MGMT: variants seen among roughly 807,000 people sequenced by gnomAD.
The protein encoded by MGMT is O-6-methylguanine-DNA methyltransferase, also known as methylated-DNA--protein-cysteine methyltransferase.
A neutral mutation model predicts 15.9 loss-of-function variants in MGMT; 14 were observed. That is an observed-to-expected ratio of 0.88 (90% CI 0.58 to 1.37). MGMT has a LOEUF of 1.37. Ranked by LOEUF, MGMT falls within the 40% of genes most tolerant of loss-of-function variation. The pLI is 0.00. For synonymous variants in MGMT, 130 were observed against 118.2 expected (o/e 1.10, Z -0.65); for missense variants, 282 against 268.1 (o/e 1.05, Z -0.36).
intron 2 of MGMT, among the ~76,000 whole-genome samples, chr10:129,587,808 A>T (rs954315910): frequency 2.0e-5 from 3 of 152,096 alleles, no homozygotes; most frequent in Non-Finnish European, 4.4e-5. Context: ...TTGTCTGTTA[A>T]TTCTAACATC....
intron 3 of MGMT, among the ~76,000 whole-genome samples, chr10:129,747,217 T>C (rs545229751): frequency 1.1e-4 from 16 of 152,214 alleles, no homozygotes; most frequent in Non-Finnish European, 1.8e-4. Context: ...CATAGACAAT[T>C]ATGTTGTCTG....
At chr10:129,741,924 G>T (rs533694514) in intron 3 of MGMT, among the ~76,000 whole-genome samples, 2 of 152,224 alleles carry the variant, frequency 1.3e-5, no homozygotes, top group Admixed American at 1.3e-4. Context: ...AGGTCAGGCC[G>T]TGGCTCTGAG....
chr10:129,666,265 C>T (rs925691367), intron 2 of MGMT, among the ~76,000 whole-genome samples: 11 of 152,108 alleles, frequency 7.2e-5, no homozygotes, highest in Admixed American at 2.0e-4. Flanking sequence ...TTTTAGAATG[C>T]ATTTGTCAAC....
intron 2 of MGMT, among the ~76,000 whole-genome samples, chr10:129,590,596 GAAA>G (rs1304132435): frequency 6.6e-6 from 1 of 152,142 alleles, no homozygotes; most frequent in Non-Finnish European, 1.5e-5. Context: ...ATCTAGCCAA[GAAA>G]AAGAACGTAA....
chr10:129,732,263 T>A (rs1479721132), intron 3 of MGMT, among the ~76,000 whole-genome samples: 3 of 152,206 alleles, frequency 2.0e-5, no homozygotes, highest in African/African-American at 7.2e-5. Flanking sequence ...CATCTATTCG[T>A]CATTTATATT....
chr10:129,467,852 GGCA>G (rs1472690632), intron 1 of MGMT, among the ~76,000 whole-genome samples: 1 of 152,162 alleles, frequency 6.6e-6, no homozygotes, highest in African/African-American at 2.4e-5. Flanking sequence ...ACACACACTG[GGCA>G]CCGTAATGTC....
At chr10:129,506,397 T>C (rs1045412011) in intron 1 of MGMT, among the ~76,000 whole-genome samples, 1 of 152,146 alleles carries the variant, frequency 6.6e-6, no homozygotes, top group Non-Finnish European at 1.5e-5. Flanking sequence ...TCTTCTGTTG[T>C]GTCTTTCCCA....
At chr10:129,677,784 C>T (rs966741105) in intron 2 of MGMT, among the ~76,000 whole-genome samples, 1 of 152,258 alleles carries the variant, frequency 6.6e-6, no homozygotes, top group African/African-American at 2.4e-5. Flanking sequence ...CAGCCGGGGG[C>T]GAAGGAACAG....
At chr10:129,683,300 A>G (rs1287924316) in intron 2 of MGMT, among the ~76,000 whole-genome samples, 2 of 152,222 alleles carry the variant, frequency 1.3e-5, no homozygotes, top group Admixed American at 6.5e-5. Flanking sequence ...CCCTAAAGCC[A>G]AAAGGTGATA....
intron 3 of MGMT, among the ~76,000 whole-genome samples, chr10:129,745,096 A>T (rs35716383): frequency 1.6e-4 from 24 of 152,124 alleles, no homozygotes; most frequent in Non-Finnish European, 3.1e-4. Flanking sequence ...TCGTAGAGGG[A>T]AAGATTTTGC....
At chr10:129,678,308 C>G (rs1847808798) in intron 2 of MGMT, among the ~76,000 whole-genome samples, 1 of 152,088 alleles carries the variant, frequency 6.6e-6, no homozygotes, top group Non-Finnish European at 1.5e-5. Flanking sequence ...GGTGCAGGAG[C>G]TTGCCAGGGC....
intron 2 of MGMT, among the ~76,000 whole-genome samples, chr10:129,681,219 G>T (rs1847848982): frequency 6.6e-6 from 1 of 152,216 alleles, no homozygotes; most frequent in Non-Finnish European, 1.5e-5. Context: ...CCACACGTGT[G>T]CCCCGCTGTG....
Position 129,667,671 on chromosome 10 carries a change from G to A in MGMT, c.126-40224G>A, listed in dbSNP as rs538457230. ...GACTCACTGGTTATACGGTATGGAT[G>A]TAATTATTGTTAGTTTTCCAGTGTG... On this transcript the variant is annotated intron_variant, in intron 2 of 4. Transcript: ENST00000651593. Among the ~76,000 whole-genome samples the A allele has an allele frequency of 2.0e-4, 31 of 152,302 alleles. No homozygotes were observed. The South Asian group carries it at 6.4e-3, about 32-fold the overall frequency.
chr10:129,725,515 G>A (rs1042048033), intron 3 of MGMT, among the ~76,000 whole-genome samples: 9 of 152,246 alleles, frequency 5.9e-5, no homozygotes, highest in African/African-American at 2.2e-4. Flanking sequence ...AGCGTTCCTG[G>A]ACCTGAAACA....
At chr10:129,666,539 C>G (rs573221188) in intron 2 of MGMT, among the ~76,000 whole-genome samples, 1 of 152,178 alleles carries the variant, frequency 6.6e-6, no homozygotes, top group East Asian at 1.9e-4. Context: ...TAAATGAGCT[C>G]TTTTCACCTC....
intron 1 of MGMT, among the ~76,000 whole-genome samples, chr10:129,519,165 C>T (rs1845777123): frequency 6.6e-6 from 1 of 152,116 alleles, no homozygotes; most frequent in Non-Finnish European, 1.5e-5. Flanking sequence ...AAGGCCTGTC[C>T]CTTTCTCCAG....
chr10:129,709,936 A>G (rs1170184003), intron 3 of MGMT, among the ~76,000 whole-genome samples: 4 of 151,710 alleles, frequency 2.6e-5, no homozygotes, highest in African/African-American at 4.8e-5. Context: ...ATAATCAGAC[A>G]CTCTCCAAAC....
At chr10:129,737,289 T>G (rs142553802) in intron 3 of MGMT, among the ~76,000 whole-genome samples, 9,008 of 152,086 alleles carry the variant, frequency 0.059, 357 homozygotes, top group South Asian at 0.16. Context: ...AACTTCTCGC[T>G]TCATTTCATT....
At chr10:129,496,378 A>G (rs1456016387) in intron 1 of MGMT, among the ~76,000 whole-genome samples, 2 of 152,156 alleles carry the variant, frequency 1.3e-5, no homozygotes, top group East Asian at 3.8e-4. Context: ...AGTTTAATGA[A>G]TGGCTAGCAA....
Sources: allele counts gnomAD v4.1 joint callset (sites outside exome capture counted in the v4.1 genomes callset), GRCh38; gene constraint gnomAD v4.1.1; transcripts MANE v1.5; gene names NCBI Gene and HGNC (gene_info 2026-07-23, HGNC 2026-07-21).